Variants in CDH13 observed in about 807,000 individuals in gnomAD.
CDH13 encodes cadherin-13.
A neutral mutation model predicts 63.8 loss-of-function variants in CDH13; 24 were observed. The observed-to-expected ratio is 0.38, with a 90% CI of 0.27 to 0.53. CDH13 has a LOEUF of 0.53. Among genes scored for constraint, CDH13 ranks in the 20% least tolerant of loss-of-function variants. The probability of loss-of-function intolerance (pLI) is 0.85; values close to 1 mark genes in which losing one functional copy is unlikely to be tolerated. For synonymous variants in CDH13, 503 were observed against 355.3 expected, an observed-to-expected ratio of 1.42 and a Z score of -4.67; for missense variants, 1,049 against 903.1, an observed-to-expected ratio of 1.16 and a Z score of -2.07.
intron 5 of CDH13, among the ~76,000 whole-genome samples, chr16:83,268,282 A>C (rs2088686481): frequency 6.6e-6 from 1 of 152,208 alleles, no homozygotes; most frequent in African/African-American, 2.4e-5. Context: ...ACTTCCATGG[A>C]AGTATGAACA....
intron 2 of CDH13, among the ~76,000 whole-genome samples, chr16:82,877,398 C>A (rs2040541571): frequency 6.6e-6 from 1 of 152,196 alleles, no homozygotes; most frequent in Non-Finnish European, 1.5e-5. Context: ...ACAAAGGTTT[C>A]TGTGAACAAT....
chr16:83,006,801 G>C (rs918977771), intron 2 of CDH13, among the ~76,000 whole-genome samples: 1 of 152,160 alleles, frequency 6.6e-6, no homozygotes, highest in African/African-American at 2.4e-5. Flanking sequence ...TTTTAGAATA[G>C]AATAACGCCA....
At chr16:83,352,155 C>G (rs1179086694) in intron 6 of CDH13, among the ~76,000 whole-genome samples, 2 of 152,148 alleles carry the variant, frequency 1.3e-5, no homozygotes, top group African/African-American at 2.4e-5. Flanking sequence ...AGTTATGGTA[C>G]AATTCACTGT....
chr16:82,896,296 T>TTTTTTTTTTTTTTTTTTTTG (rs2041257374), intron 2 of CDH13, among the ~76,000 whole-genome samples: 1 of 76,088 alleles, frequency 1.3e-5, no homozygotes, highest in Non-Finnish European at 3.0e-5. Flanking sequence ...TTTTTTTTTT[T>TTTTTTTTTTTTTTTTTTTTG]TTTTTTTTTT....
intron 1 of CDH13, among the ~76,000 whole-genome samples, chr16:82,843,453 C>T (rs930023640): frequency 5.3e-5 from 8 of 152,102 alleles, no homozygotes; most frequent in Admixed American, 1.3e-4. Flanking sequence ...TCATATACTC[C>T]GACCCAGGGG....
intron 2 of CDH13, among the ~76,000 whole-genome samples, chr16:82,882,208 AC>A: frequency 6.6e-6 from 1 of 152,336 alleles, no homozygotes; most frequent in African/African-American, 2.4e-5. Flanking sequence ...CACAAGTGTC[AC>A]AAAGATATTA....
At chr16:83,659,698 C>G (rs958324757) in intron 8 of CDH13, among the ~76,000 whole-genome samples, 8 of 151,986 alleles carry the variant, frequency 5.3e-5, no homozygotes, top group African/African-American at 1.9e-4. Flanking sequence ...AGTCTGATAC[C>G]CTTTTCTCAG....
chr16:83,004,617 C>G (rs1039372746), intron 2 of CDH13, among the ~76,000 whole-genome samples: 1 of 152,098 alleles, frequency 6.6e-6, no homozygotes, highest in Admixed American at 6.5e-5. Context: ...CGTGCCTCAG[C>G]TTCCCAAGCA....
At position 82,670,239 on chromosome 16, in the gene CDH13, G is replaced by T. The variant is rs990181225; in HGVS notation, c.45+43102G>T. Among the ~76,000 whole-genome samples the T allele has an allele frequency of 3.5e-4, 54 of 152,196 alleles. 1 individual carries two copies. The highest frequency in any genetic ancestry group is 1.2e-3 in the African/African-American group (49 of 41,438). On this transcript the variant is annotated intron_variant, in intron 1 of 13. Coordinates refer to ENST00000567109, the MANE Select transcript of CDH13 (RefSeq NM_001257.5). The stretch of plus-strand genomic sequence containing the variant: ...TGTCATGCTGAATTGCAAATCCCTA[G>T]TCGGAACATTTGAACATCATCTAGA...
intron 4 of CDH13, among the ~76,000 whole-genome samples, chr16:83,204,784 G>C (rs2039134427): frequency 6.6e-6 from 1 of 152,204 alleles, no homozygotes. Context: ...TGGGAACTGT[G>C]TTCCTCGTTG....
chr16:82,951,345 T>C lies in CDH13; in HGVS notation c.158-80665T>C, dbSNP rs147725953. 2.6e-5 allele frequency among the ~76,000 whole-genome samples: 4 copies of C among 152,274 alleles called. No individual in the cohort carries two copies. The East Asian group carries it at 7.7e-4, about 29-fold the overall frequency. ...ATTCAGAAAGAAATGTCAGTTGATA[T>C]CTGCTTCCTATAAGGTGTTCTGTCC... On this transcript the variant is annotated intron_variant, in intron 2 of 13. Coordinates refer to ENST00000567109, the MANE Select transcript of CDH13 (RefSeq NM_001257.5).
At chr16:83,127,809 A>G (rs1187271357) in intron 4 of CDH13, among the ~76,000 whole-genome samples, 1 of 152,222 alleles carries the variant, frequency 6.6e-6, no homozygotes, top group Non-Finnish European at 1.5e-5. Context: ...CATTATATTT[A>G]TCATTTTAAA....
chr16:83,087,170 A>C (rs1014214723), intron 3 of CDH13, among the ~76,000 whole-genome samples: 3 of 152,190 alleles, frequency 2.0e-5, no homozygotes, highest in African/African-American at 4.8e-5. Flanking sequence ...CAGCAAAGTA[A>C]AATTGATTTT....
intron 1 of CDH13, among the ~76,000 whole-genome samples, chr16:82,816,955 GA>G (rs1466692802): frequency 6.6e-6 from 1 of 151,994 alleles, no homozygotes; most frequent in African/African-American, 2.4e-5. Flanking sequence ...TGACCTAAAA[GA>G]GAGGGAAAAA....
chr16:82,946,216 A>G (rs1264757869), intron 2 of CDH13, among the ~76,000 whole-genome samples: 1 of 151,700 alleles, frequency 6.6e-6, no homozygotes, highest in East Asian at 1.9e-4. Context: ...GGATACATGG[A>G]TGAATGGAGG....
chr16:83,204,768 G>T (rs1411761531), intron 4 of CDH13, among the ~76,000 whole-genome samples: 5 of 152,216 alleles, frequency 3.3e-5, no homozygotes, highest in Admixed American at 1.3e-4. Context: ...CCCTCAGAAG[G>T]TTAGGTGGGA....
chr16:83,324,384 A>T (rs1288913024), intron 5 of CDH13, among the ~76,000 whole-genome samples: 1 of 151,438 alleles, frequency 6.6e-6, no homozygotes, highest in Non-Finnish European at 1.5e-5. Flanking sequence ...AAACCCCATC[A>T]CTCTTGGAAG....
intron 13 of CDH13, among the ~76,000 whole-genome samples, chr16:83,792,881 T>C (rs1043339019): frequency 1.3e-5 from 2 of 152,214 alleles, no homozygotes; most frequent in African/African-American, 4.8e-5. Flanking sequence ...GGGGTATAAG[T>C]GTAATCATTG....
At chr16:83,319,863 A>T (rs34007088) in intron 5 of CDH13, among the ~76,000 whole-genome samples, 6,756 of 152,314 alleles carry the variant, frequency 0.044, 204 homozygotes, top group Middle Eastern at 0.071. Context: ...TCACTGTTTC[A>T]GTTCTTCACC....
Sources: allele counts gnomAD v4.1 joint callset (sites outside exome capture counted in the v4.1 genomes callset), GRCh38; gene constraint gnomAD v4.1.1; transcripts MANE v1.5; gene names NCBI Gene and HGNC (gene_info 2026-07-23, HGNC 2026-07-21).